ZFHX3: variants seen among roughly 807,000 people sequenced by gnomAD.
ZFHX3 encodes the protein zinc finger homeobox protein 3.
Under a neutral mutation model 279.1 loss-of-function variants are expected in ZFHX3, and 42 were observed. That is an observed-to-expected ratio of 0.15 (90% CI 0.12 to 0.19). The LOEUF (loss-of-function observed/expected upper bound fraction) is 0.19. Ranked by LOEUF, ZFHX3 falls within the 10% of genes least tolerant of loss-of-function variation. The probability of loss-of-function intolerance (pLI) is 1.00; values close to 1 mark genes in which losing one functional copy is unlikely to be tolerated. For synonymous variants in ZFHX3, 2,293 were observed against 1,957.8 expected (o/e 1.17, Z -4.52); for missense variants, 4,981 against 4,754.0 (o/e 1.05, Z -1.40).
chr16:73,066,236 C>T (rs1367436858), intron 8 of ZFHX3, among the ~76,000 whole-genome samples: 5 of 151,518 alleles, frequency 3.3e-5, no homozygotes, highest in Non-Finnish European at 5.9e-5. Context: ...GCGTGAGACG[C>T]GCCCTTCTCG....
At chr16:72,843,201 AG>A (rs2037387731) in intron 4 of ZFHX3, among the ~76,000 whole-genome samples, 1 of 152,100 alleles carries the variant, frequency 6.6e-6, no homozygotes, top group Non-Finnish European at 1.5e-5. Context: ...GGATTGGAGC[AG>A]GATAGGGCTC....
chr16:72,889,741 G>T lies in ZFHX3; in HGVS notation c.3438C>A (p.Ser1146=), dbSNP rs2144072774. Residue 1146 remains serine, a synonymous_variant, in exon 4 of 10, where the codon TCC becomes TCA. Transcript: ENST00000268489. ...GQIFTIRRCP[S]TDPEEAIEDV... ...TGTGAGACCACTCACCTGGGTCCGT[G>T]GAGGGGCACCTGCGGATGGTGAAGA... The T allele has an allele frequency of 6.2e-7, 1 of 1,612,384 alleles. No individual in the cohort carries two copies. The highest frequency in any genetic ancestry group is 8.5e-7 in the Non-Finnish European group (1 of 1,179,920).
intron 1 of ZFHX3, among the ~76,000 whole-genome samples, chr16:73,789,119 G>C (rs1959748552): frequency 6.6e-6 from 1 of 151,028 alleles, no homozygotes; most frequent in African/African-American, 2.4e-5. Flanking sequence ...AGATATATAT[G>C]ATATCTATAT....
At chr16:73,403,541 C>A (rs1402486665) in intron 3 of ZFHX3, among the ~76,000 whole-genome samples, 3 of 122,670 alleles carry the variant, frequency 2.4e-5, no homozygotes, top group Non-Finnish European at 4.8e-5. Context: ...TCATGAAGGC[C>A]ACATGCAATT....
At position 72,787,513 on chromosome 16, in the gene ZFHX3, T is replaced by C. The variant is rs772106874; in HGVS notation, c.10763A>G (p.Gln3588Arg). 1.9e-6 allele frequency: 3 copies of C among 1,613,744 alleles called. No individual in the cohort carries two copies. The highest frequency in any genetic ancestry group is 1.7e-5 in the Admixed American group (1 of 59,990). The change falls in exon 10 of 10, where the codon CAG (glutamine) becomes CGG (arginine). Residue 3588 changes from glutamine to arginine, a missense_variant. Coordinates refer to ENST00000268489, the MANE Select transcript of ZFHX3 (RefSeq NM_006885.4). ...FPDPSTASTS[Q>R]SAAHSNDSPP... ...GCTGTCGTTTGAGTGAGCGGCAGAC[T>C]GCGAGGTAGATGCGGTGCTAGGATC...
chr16:72,849,356 A>T (rs2037556334), intron 4 of ZFHX3, among the ~76,000 whole-genome samples: 1 of 152,216 alleles, frequency 6.6e-6, no homozygotes, highest in Non-Finnish European at 1.5e-5. Context: ...AGCAGGGCTC[A>T]GCCATACTCC....
At chr16:72,852,273 T>C (rs570828354) in intron 4 of ZFHX3, among the ~76,000 whole-genome samples, 2 of 152,372 alleles carry the variant, frequency 1.3e-5, no homozygotes, top group East Asian at 1.9e-4. Context: ...TTTTGAAACA[T>C]TGTTTATATA....
At chr16:72,896,598 A>T (rs1409781281) in intron 3 of ZFHX3, among the ~76,000 whole-genome samples, 1 of 152,248 alleles carries the variant, frequency 6.6e-6, no homozygotes, top group Non-Finnish European at 1.5e-5. Context: ...ACTGAAAGTC[A>T]AAGAGACGAA....
chr16:73,588,215 A>G (rs1169934732), intron 2 of ZFHX3, among the ~76,000 whole-genome samples: 1 of 152,192 alleles, frequency 6.6e-6, no homozygotes, highest in Non-Finnish European at 1.5e-5. Flanking sequence ...TGACAATGAA[A>G]ATGCTGAACT....
chr16:73,503,326 G>A (rs531663994), intron 2 of ZFHX3, among the ~76,000 whole-genome samples: 15 of 152,312 alleles, frequency 9.8e-5, no homozygotes, highest in Non-Finnish European at 1.9e-4. Flanking sequence ...ATCTGTCTCC[G>A]AGGATGTCTG....
chr16:73,830,944 A>G (rs571842221), intron 1 of ZFHX3, among the ~76,000 whole-genome samples: 2 of 152,308 alleles, frequency 1.3e-5, no homozygotes, highest in African/African-American at 4.8e-5. Context: ...CACCACATCA[A>G]TTGCACAGAA....
At chr16:72,929,239 T>C (rs1288532555) in intron 3 of ZFHX3, among the ~76,000 whole-genome samples, 1 of 116,884 alleles carries the variant, frequency 8.6e-6, no homozygotes, top group African/African-American at 3.2e-5. Context: ...AGACCCTGTC[T>C]AAAAAAAAAA....
At chr16:73,168,670 T>C (rs1303543832) in intron 5 of ZFHX3, among the ~76,000 whole-genome samples, 2 of 152,146 alleles carry the variant, frequency 1.3e-5, no homozygotes, top group Non-Finnish European at 2.9e-5. Flanking sequence ...CCCCAATCTG[T>C]CCCCAGACTG....
chr16:73,202,417 C>G (rs2011638822), intron 5 of ZFHX3, among the ~76,000 whole-genome samples: 1 of 152,206 alleles, frequency 6.6e-6, no homozygotes, highest in Non-Finnish European at 1.5e-5. Context: ...GAACCTCACC[C>G]AGGGTGAATA....
At chr16:73,403,775 C>T (rs1001709279) in intron 3 of ZFHX3, among the ~76,000 whole-genome samples, 2 of 152,096 alleles carry the variant, frequency 1.3e-5, no homozygotes, top group Non-Finnish European at 2.9e-5. Context: ...TGTTTGTCTC[C>T]GGATTGTGAG....
intron 4 of ZFHX3, among the ~76,000 whole-genome samples, chr16:72,881,513 A>G (rs2038469530): frequency 6.6e-6 from 1 of 152,186 alleles, no homozygotes; most frequent in African/African-American, 2.4e-5. Context: ...TGCATGTTCT[A>G]TTTCCTCCCT....
intron 2 of ZFHX3, among the ~76,000 whole-genome samples, chr16:73,563,108 G>A (rs1334268773): frequency 6.6e-6 from 1 of 152,002 alleles, no homozygotes; most frequent in African/African-American, 2.4e-5. Context: ...GTCAAGGGAG[G>A]AGGTGCTAAA....
rs186812071 is a variant in ZFHX3 at position 73,733,318 on chromosome 16, G to A, written c.-1607-53078C>T. On this transcript the variant is annotated intron_variant, in intron 1 of 17. Transcript: ENST00000641206. Reference sequence around the variant, plus strand: ...TTAGAAGACATACCAAAAACATGATGATTTAACTCATAAAGCTGCAGAGGT... The same window carrying A: ...TTAGAAGACATACCAAAAACATGATAATTTAACTCATAAAGCTGCAGAGGT... Among the ~76,000 whole-genome samples the A allele has an allele frequency of 5.0e-3, 757 of 152,180 alleles. 9 individuals carry two copies. The highest frequency in any genetic ancestry group is 5.8e-3 in the Non-Finnish European group (394 of 68,016).
intron 1 of ZFHX3, among the ~76,000 whole-genome samples, chr16:73,691,582 G>A (rs887758772): frequency 2.0e-5 from 3 of 152,092 alleles, no homozygotes; most frequent in African/African-American, 7.2e-5. Context: ...ATCAAATATT[G>A]TACCCGATAA....
Sources: allele counts gnomAD v4.1 joint callset (sites outside exome capture counted in the v4.1 genomes callset), GRCh38; gene constraint gnomAD v4.1.1; transcripts MANE v1.5; gene names NCBI Gene and HGNC (gene_info 2026-07-23, HGNC 2026-07-21).